OPCML: variants seen among roughly 807,000 people sequenced by gnomAD.
The protein encoded by OPCML is opioid-binding protein/cell adhesion molecule.
OPCML carries 13 observed loss-of-function variants against 37.8 expected under a neutral mutation model. The ratio of observed to expected loss-of-function variants is 0.34; its 90% CI spans 0.22 to 0.55. The LOEUF (loss-of-function observed/expected upper bound fraction) is 0.55, where lower values mean the gene tolerates loss of function less well. Ranked by LOEUF, OPCML falls within the 20% of genes least tolerant of loss-of-function variation. The pLI, the probability that OPCML is intolerant of heterozygous loss-of-function variation, is 0.91. For synonymous variants in OPCML, 176 were observed against 168.8 expected (o/e 1.04, Z -0.33); for missense variants, 341 against 435.6 (o/e 0.78, Z 1.93).
intron 1 of OPCML, among the ~76,000 whole-genome samples, chr11:133,035,196 T>A (rs1444485845): frequency 6.6e-6 from 1 of 151,984 alleles, no homozygotes; most frequent in African/African-American, 2.4e-5. Flanking sequence ...CAGGGGAGGG[T>A]GTGCCGGGCG....
chr11:132,935,560 A>G (rs1329922271), intron 2 of OPCML, among the ~76,000 whole-genome samples: 1 of 152,186 alleles, frequency 6.6e-6, no homozygotes, highest in Non-Finnish European at 1.5e-5. Context: ...TTCAAAACCA[A>G]TTTCTAAAAA....
chr11:132,836,130 T>G (rs1940987645), intron 2 of OPCML, among the ~76,000 whole-genome samples: 1 of 152,186 alleles, frequency 6.6e-6, no homozygotes, highest in Admixed American at 6.5e-5. Flanking sequence ...ACGGCCTCCA[T>G]GTTTCAACAG....
At chr11:133,384,422 T>C (rs1387132401) in intron 1 of OPCML, among the ~76,000 whole-genome samples, 2 of 152,090 alleles carry the variant, frequency 1.3e-5, no homozygotes, top group African/African-American at 4.8e-5. Context: ...GGCCTAAGGT[T>C]GATAGTATTA....
intron 1 of OPCML, among the ~76,000 whole-genome samples, chr11:133,093,966 T>G (rs934956871): frequency 6.6e-6 from 1 of 152,182 alleles, no homozygotes; most frequent in African/African-American, 2.4e-5. Context: ...GAAGGATATG[T>G]CCGGTGGATG....
chr11:132,559,652 T>G (rs1382778101), intron 3 of OPCML, among the ~76,000 whole-genome samples: 1 of 152,196 alleles, frequency 6.6e-6, no homozygotes, highest in East Asian at 1.9e-4. Flanking sequence ...CTTCAGAGAT[T>G]ACATTAACAC....
At chr11:133,124,582 C>A (rs1949470846) in intron 1 of OPCML, among the ~76,000 whole-genome samples, 1 of 152,104 alleles carries the variant, frequency 6.6e-6, no homozygotes, top group Non-Finnish European at 1.5e-5. Context: ...GCAAAGGTGT[C>A]CGTTCCAATC....
chr11:133,264,832 C>T (rs1941606730), intron 1 of OPCML, among the ~76,000 whole-genome samples: 1 of 151,870 alleles, frequency 6.6e-6, no homozygotes, highest in African/African-American at 2.4e-5. Context: ...ATAAATAGGG[C>T]ATAGATCATT....
rs148140256 is a variant in OPCML, at chr11:132,693,440, C to T, written c.147-36121G>A. Among the ~76,000 whole-genome samples, 229 of 152,278 alleles carry T rather than the reference C, an allele frequency of 1.5e-3. 1 individual carries two copies. The highest frequency in any genetic ancestry group is 5.2e-3 in the African/African-American group (216 of 41,562). On this transcript the variant is annotated intron_variant, in intron 2 of 7. Transcript: ENST00000524381. ...CCTAAGTGATTTCAAACAAATTGTA[C>T]AAACAACCCCTTGATTTCATCAGAA... is the stretch of plus-strand genomic sequence containing the variant.
At chr11:132,557,745 C>G (rs140944320) in intron 3 of OPCML, among the ~76,000 whole-genome samples, 119 of 152,204 alleles carry the variant, frequency 7.8e-4, no homozygotes, top group Non-Finnish European at 1.5e-3. Context: ...GGTTCAACAC[C>G]GGCATTGAGT....
rs569877246 is a variant in OPCML at position 133,181,865 on chromosome 11, C to T, written c.62-238855G>A. On this transcript the variant is annotated intron_variant, in intron 1 of 7. Transcript: ENST00000524381. ...CTCCACAGAGTAATTGGAAGGCAGC[C>T]CCGATGCTGAGTCCCTCCTCCAAAG... 3.9e-5 allele frequency among the ~76,000 whole-genome samples: 6 copies of T among 152,272 alleles called. No individual in the cohort carries two copies. In the South Asian group the frequency reaches 1.0e-3, roughly 26 times the overall value.
intron 2 of OPCML, among the ~76,000 whole-genome samples, chr11:132,693,866 C>T (rs1591738816): frequency 6.6e-6 from 1 of 152,106 alleles, no homozygotes; most frequent in Non-Finnish European, 1.5e-5. Flanking sequence ...CCAGACACAT[C>T]TGGACACGAG....
chr11:133,508,060 A>G (rs1044470987), intron 1 of OPCML, among the ~76,000 whole-genome samples: 3 of 152,146 alleles, frequency 2.0e-5, no homozygotes, highest in Non-Finnish European at 4.4e-5. Context: ...AAATATTAAT[A>G]TCTGATTTCC....
At chr11:132,687,567 T>C (rs1943221263) in intron 2 of OPCML, among the ~76,000 whole-genome samples, 1 of 151,570 alleles carries the variant, frequency 6.6e-6, no homozygotes, top group Non-Finnish European at 1.5e-5. Context: ...ATCTTTCTAT[T>C]ATATTCTTTT....
chr11:132,620,616 G>A (rs928521296), intron 3 of OPCML, among the ~76,000 whole-genome samples: 5 of 152,182 alleles, frequency 3.3e-5, no homozygotes, highest in African/African-American at 1.2e-4. Context: ...AACAGCTGGT[G>A]ACTTGGCAGG....
At position 132,650,710 on chromosome 11, in the gene OPCML, C is replaced by T. The variant is rs573683882; in HGVS notation, c.379+6377G>A. Among the ~76,000 whole-genome samples the T allele has an allele frequency of 3.3e-5, 5 of 152,214 alleles. No homozygotes were observed. The South Asian group carries it at 8.3e-4, about 25-fold the overall frequency. Reference sequence around the variant, plus strand: ...CCATGTTAATAAGCCAGGAGAGGAACGTCTTGGAGATGCAGGCCTGCACTT... The same window carrying T: ...CCATGTTAATAAGCCAGGAGAGGAATGTCTTGGAGATGCAGGCCTGCACTT... On this transcript the variant is annotated intron_variant, in intron 3 of 7. Transcript: ENST00000524381.
chr11:132,872,349 T>C (rs1357731456), intron 2 of OPCML, among the ~76,000 whole-genome samples: 1 of 152,216 alleles, frequency 6.6e-6, no homozygotes, highest in Non-Finnish European at 1.5e-5. Context: ...CCAGATGCTA[T>C]GGGCTGTTGC....
At chr11:132,759,652 T>A (rs948581152) in intron 2 of OPCML, among the ~76,000 whole-genome samples, 1 of 151,812 alleles carries the variant, frequency 6.6e-6, no homozygotes, top group Non-Finnish European at 1.5e-5. Context: ...TGATATCCCC[T>A]TTATCATTTT....
chr11:132,544,495 T>C (rs1049444256), intron 3 of OPCML, among the ~76,000 whole-genome samples: 3 of 152,214 alleles, frequency 2.0e-5, no homozygotes, highest in Non-Finnish European at 2.9e-5. Context: ...GCTGAAATTA[T>C]TGGGCAAATC....
intron 1 of OPCML, among the ~76,000 whole-genome samples, chr11:133,184,092 C>T (rs957585215): frequency 6.6e-6 from 1 of 152,146 alleles, no homozygotes; most frequent in African/African-American, 2.4e-5. Context: ...TGACCCTAAT[C>T]CTGCAGCAAG....
Sources: allele counts gnomAD v4.1 joint callset (sites outside exome capture counted in the v4.1 genomes callset), GRCh38; gene constraint gnomAD v4.1.1; transcripts MANE v1.5; gene names NCBI Gene and HGNC (gene_info 2026-07-23, HGNC 2026-07-21).